GZMA: variants seen among roughly 807,000 people sequenced by gnomAD.
The protein encoded by GZMA is granzyme A.
GZMA carries 17 observed loss-of-function variants against 21.1 expected under a neutral mutation model. That is an observed-to-expected ratio of 0.81 (90% CI 0.55 to 1.21). GZMA has a LOEUF of 1.21. GZMA is among the 50% of genes most tolerant of loss of function. The probability of loss-of-function intolerance (pLI) is 0.00; values close to 1 mark genes in which losing one functional copy is unlikely to be tolerated. For synonymous variants in GZMA, 90 were observed against 107.8 expected (o/e 0.83, Z 1.03); for missense variants, 306 against 315.9 (o/e 0.97, Z 0.24).
rs8192915 is a variant in GZMA at position 55,109,535 on chromosome 5, G to A, written c.628-486G>A. ...TAAACCTGTTCAGGGAGGATCCCGG[G>A]TTCCAACATGGTTCTTTATTTCATA... On this transcript the variant is annotated intron_variant, in intron 4 of 4. Coordinates refer to ENST00000274306, the MANE Select transcript of GZMA (RefSeq NM_006144.4). Among the ~76,000 whole-genome samples the A allele has an allele frequency of 2.2e-4, 33 of 152,314 alleles. No homozygotes were observed. The East Asian group carries it at 4.8e-3, about 22-fold the overall frequency.
chr5:55,104,723 T>C (rs1306231799), intron 1 of GZMA, among the ~76,000 whole-genome samples: 1 of 152,212 alleles, frequency 6.6e-6, no homozygotes, highest in Admixed American at 6.5e-5. Context: ...TGCCTTGTGT[T>C]TAGTTCTCAC....
At position 55,108,226 on chromosome 5, in the gene GZMA, G is replaced by C. The variant is rs753992275; in HGVS notation, c.459G>C (p.Trp153Cys). 2 of 1,613,772 alleles carry C rather than the reference G, an allele frequency of 1.2e-6. No individual in the cohort carries two copies. Among genetic ancestry groups the C allele is most frequent in the East Asian group, 2.2e-5 (1 of 44,842 alleles). Residue 153 changes from tryptophan (W) to cysteine (C), a missense_variant, in exon 4 of 5, where the codon TGG (tryptophan) becomes TGC (cysteine). Physicochemically the swap from Trp to Cys is radical, Grantham distance 215. Transcript: ENST00000274306. Reference sequence around the variant, plus strand: ...GAACCATGTGCCAAGTTGCAGGGTGGGGCAGGACTCACAATAGTGCATCTT... The same window carrying C: ...GAACCATGTGCCAAGTTGCAGGGTGCGGCAGGACTCACAATAGTGCATCTT... The part of the protein sequence containing the change: ...KPGTMCQVAG[W>C]GRTHNSASWS...
intron 1 of GZMA, 87 bp downstream of exon 1, chr5:55,102,839 A>G (rs1742326786): frequency 2.4e-6 from 2 of 826,680 alleles, no homozygotes; most frequent in Non-Finnish European, 4.2e-6. Flanking sequence ...TTACCTTCCT[A>G]TACTGAAAGA....
chr5:55,105,444 C>G (rs756055927), intron 1 of GZMA, 30 bp from the exon 2 acceptor site: 27 of 1,536,776 alleles, frequency 1.8e-5, no homozygotes, highest in Non-Finnish European at 2.4e-5. Context: ...GGGTGAGCAC[C>G]AATCTGATTT....
Position 55,103,277 on chromosome 5 carries a change from T to C in GZMA, c.70+525T>C, listed in dbSNP as rs1157751498. Among the ~76,000 whole-genome samples the C allele has an allele frequency of 3.3e-5, 5 of 152,132 alleles. No individual in the cohort carries two copies. In the East Asian group the frequency reaches 9.6e-4, roughly 29 times the overall value. ...GCAGAAAATGCATAGATAAAGACAATTAAGACAAATCTGACCTAGACACCA... is the reference window on the plus strand; with the variant it reads ...GCAGAAAATGCATAGATAAAGACAACTAAGACAAATCTGACCTAGACACCA... On this transcript the variant is annotated intron_variant, in intron 1 of 4. Coordinates refer to ENST00000274306, the MANE Select transcript of GZMA (RefSeq NM_006144.4).
chr5:55,107,125 G>T (rs1323962598), intron 2 of GZMA, among the ~76,000 whole-genome samples: 1 of 152,146 alleles, frequency 6.6e-6, no homozygotes, highest in Non-Finnish European at 1.5e-5. Flanking sequence ...TAATCTGGTT[G>T]GTGTAGTTTA....
intron 1 of GZMA, among the ~76,000 whole-genome samples, chr5:55,105,113 G>C (rs1324525381): frequency 6.6e-6 from 1 of 152,166 alleles, no homozygotes; most frequent in Non-Finnish European, 1.5e-5. Context: ...GCCAAAAAGG[G>C]TGGGAGCACT....
Position 55,108,291 on chromosome 5 carries a change from A to G in GZMA, c.524A>G (p.Asp175Gly). 2 of 1,613,324 alleles carry G rather than the reference A, an allele frequency of 1.2e-6. No homozygotes were observed. Among genetic ancestry groups the G allele is most frequent in the Non-Finnish European group, 1.7e-6 (2 of 1,179,318 alleles). ...AGAGAAGTCAATATCACCATCATAG[A>G]CAGAAAAGTCTGCAATGATCGAAAT... ...TLREVNITII[D>G]RKVCNDRNHY... The change falls in exon 4 of 5, where the codon GAC (aspartate) becomes GGC (glycine). Residue 175 changes from aspartate to glycine, a missense_variant. By Grantham distance (94) the Asp-to-Gly change is moderately conservative (BLOSUM62 -1). Coordinates refer to ENST00000274306, the MANE Select transcript of GZMA (RefSeq NM_006144.4).
chr5:55,105,502 TG>T lies in GZMA; in HGVS notation c.100del (p.Glu34LysfsTer2). On this transcript the variant is annotated frameshift_variant, in exon 2 of 5. Coordinates refer to ENST00000274306, the MANE Select transcript of GZMA (RefSeq NM_006144.4). LOFTEE classifies it high-confidence loss of function. ...DVCEKIIGGN[E>X]VTPHSRPYMV... ...TCTGTGAAAAAATTATTGGAGGAAA[TG>T]AAGTAACTCCTCATTCAAGACCCTA... 1 of 1,612,726 alleles carries T rather than the reference TG, an allele frequency of 6.2e-7. No homozygotes were observed. Among genetic ancestry groups the T allele is most frequent in the Non-Finnish European group, 8.5e-7 (1 of 1,179,008 alleles).
chr5:55,108,822 G>A (rs1241442264), intron 4 of GZMA, among the ~76,000 whole-genome samples: 1 of 152,012 alleles, frequency 6.6e-6, no homozygotes, highest in East Asian at 1.9e-4. Flanking sequence ...TTTAACATCG[G>A]CATGTCTGAA....
At chr5:55,107,197 T>TGATAACCAA (rs1418626019) in intron 2 of GZMA, among the ~76,000 whole-genome samples, 1 of 152,138 alleles carries the variant, frequency 6.6e-6, no homozygotes, top group Non-Finnish European at 1.5e-5. Flanking sequence ...ATTTTGATTT[T>TGATAACCAA]GATAACCAAA....
intron 4 of GZMA, among the ~76,000 whole-genome samples, chr5:55,108,716 C>T (rs1163377790): frequency 6.6e-6 from 1 of 152,142 alleles, no homozygotes; most frequent in Non-Finnish European, 1.5e-5. Flanking sequence ...ATATACAACA[C>T]TTATGAGAGC....
intron 4 of GZMA, among the ~76,000 whole-genome samples, chr5:55,109,437 G>A (rs74896150): frequency 0.016 from 2,495 of 152,178 alleles, 78 homozygotes; most frequent in African/African-American, 0.057. Flanking sequence ...CAACACCCTG[G>A]AATTGGCTAT....
chr5:55,103,401 C>G (rs1192029784), intron 1 of GZMA, among the ~76,000 whole-genome samples: 1 of 152,184 alleles, frequency 6.6e-6, no homozygotes, highest in Non-Finnish European at 1.5e-5. Context: ...CCTCATTAAC[C>G]CTTTGGGTGT....
chr5:55,103,577 C>A (rs540875673), intron 1 of GZMA, among the ~76,000 whole-genome samples: 1 of 152,268 alleles, frequency 6.6e-6, no homozygotes, highest in African/African-American at 2.4e-5. Flanking sequence ...CTTGAAGAAC[C>A]TGCTAGGAAG....
At position 55,108,319 on chromosome 5, in the gene GZMA, C is replaced by T. The variant is rs778251293; in HGVS notation, c.552C>T (p.His184=). ...GAAAAGTCTGCAATGATCGAAATCA[C>T]TATAATTTTAACCCTGTGATTGGAA... ...IDRKVCNDRN[H]YNFNPVIGMN... The change falls in exon 4 of 5, where the codon CAC becomes CAT. Residue 184 remains histidine, a synonymous_variant. Coordinates refer to ENST00000274306, the MANE Select transcript of GZMA (RefSeq NM_006144.4). The T allele has an allele frequency of 6.2e-7, 1 of 1,613,356 alleles. No individual in the cohort carries two copies. Among genetic ancestry groups the T allele is most frequent in the East Asian group, 2.2e-5 (1 of 44,844 alleles).
At chr5:55,104,321 A>G (rs1742349995) in intron 1 of GZMA, among the ~76,000 whole-genome samples, 1 of 152,198 alleles carries the variant, frequency 6.6e-6, no homozygotes, top group Non-Finnish European at 1.5e-5. Context: ...CACCCTAGGA[A>G]AATTGGGATT....
chr5:55,103,938 G>C (rs1742344032), intron 1 of GZMA, among the ~76,000 whole-genome samples: 1 of 151,954 alleles, frequency 6.6e-6, no homozygotes, highest in South Asian at 2.1e-4. Context: ...CCAGAGAGTT[G>C]GAGGCTGCAG....
chr5:55,105,907 G>A (rs1386181303), intron 2 of GZMA, among the ~76,000 whole-genome samples: 2 of 151,652 alleles, frequency 1.3e-5, no homozygotes, highest in Non-Finnish European at 2.9e-5. Flanking sequence ...AGGAGGCAGA[G>A]GTTGCAGTGA....
Sources: allele counts gnomAD v4.1 joint callset (sites outside exome capture counted in the v4.1 genomes callset), GRCh38; gene constraint gnomAD v4.1.1; transcripts MANE v1.5; gene names NCBI Gene and HGNC (gene_info 2026-07-23, HGNC 2026-07-21).